Variants in CLVS1 observed in about 807,000 individuals in gnomAD.
CLVS1 encodes the protein clavesin-1.
CLVS1 carries 10 observed loss-of-function variants against 33.1 expected under a neutral mutation model. That is an observed-to-expected ratio of 0.30 (90% confidence interval 0.19 to 0.51). The LOEUF is 0.51. Among genes scored for constraint, CLVS1 ranks in the 20% least tolerant of loss-of-function variants. The pLI is 0.97. For missense variants in CLVS1, 343 were observed against 433.4 expected, an observed-to-expected ratio of 0.79 and a Z score of 1.85; for synonymous variants, 163 against 166.1, an observed-to-expected ratio of 0.98 and a Z score of 0.14.
At chr8:61,255,318 G>T (rs1463363307) in intron 2 of CLVS1, among the ~76,000 whole-genome samples, 1 of 152,116 alleles carries the variant, frequency 6.6e-6, no homozygotes, top group African/African-American at 2.4e-5. Context: ...TCTTTTGAGA[G>T]AATTCTGGTA....
chr8:61,366,991 C>G (rs536022603), intron 2 of CLVS1, among the ~76,000 whole-genome samples: 1 of 152,106 alleles, frequency 6.6e-6, no homozygotes, highest in African/African-American at 2.4e-5. Flanking sequence ...TCTGACTCAC[C>G]TCCTACCTGA....
At chr8:61,098,002 A>T (rs4738864) in intron 1 of CLVS1, among the ~76,000 whole-genome samples, 29,292 of 151,916 alleles carry the variant, frequency 0.19, 2,975 homozygotes, top group Admixed American at 0.31. Flanking sequence ...AAAAAAATTT[A>T]AAAAAAATTA....
chr8:61,170,174 G>A (rs1481774029), intron 2 of CLVS1, among the ~76,000 whole-genome samples: 2 of 151,918 alleles, frequency 1.3e-5, no homozygotes, highest in Admixed American at 6.6e-5. Flanking sequence ...CCATTTTACC[G>A]ATAAGATAGT....
chr8:61,061,003 C>T (rs1474857255), intron 1 of CLVS1, among the ~76,000 whole-genome samples: 1 of 152,152 alleles, frequency 6.6e-6, no homozygotes, highest in African/African-American at 2.4e-5. Context: ...TTTATAGCCT[C>T]CTCAGCTGCA....
chr8:61,032,992 GGAAAGAAA>G, the CLVS1 span, among the ~76,000 whole-genome samples: 3,524 of 44,016 alleles, frequency 0.08, 167 homozygotes, highest in Non-Finnish European at 0.094. Flanking sequence ...AAGGAAGGAA[GGAAAGAAA>G]GAAAGAAAGA....
the CLVS1 span, among the ~76,000 whole-genome samples, chr8:61,041,844 G>A: frequency 4.6e-5 from 7 of 152,028 alleles, 1 homozygote; most frequent in East Asian, 3.9e-4. Flanking sequence ...TTTCTATTTG[G>A]ATACCTTGTA....
chr8:61,068,034 A>G (rs980309108), intron 1 of CLVS1, among the ~76,000 whole-genome samples: 3 of 151,500 alleles, frequency 2.0e-5, no homozygotes, highest in Admixed American at 2.0e-4. Context: ...AAATTTTAAA[A>G]AAAATTAGCA....
chr8:61,033,134 A>G, the CLVS1 span, among the ~76,000 whole-genome samples: 11 of 96,976 alleles, frequency 1.1e-4, 1 homozygote, highest in East Asian at 3.7e-4. Context: ...AAGGAAAGAA[A>G]GAAAGAAAGA....
chr8:61,292,274 C>T (rs1810022429), intron 1 of CLVS1: 2 of 450,624 alleles, frequency 4.4e-6, no homozygotes, highest in South Asian at 1.6e-5. Flanking sequence ...CCTCTTTCCT[C>T]CCACCTCACC....
intron 3 of CLVS1, among the ~76,000 whole-genome samples, chr8:61,421,945 C>T (rs543632071): frequency 3.3e-5 from 5 of 152,158 alleles, no homozygotes; most frequent in South Asian, 2.1e-4. Flanking sequence ...GCTGTGAACA[C>T]GTGAATTGAA....
intron 2 of CLVS1, among the ~76,000 whole-genome samples, chr8:61,197,101 A>G (rs988681396): frequency 2.0e-5 from 3 of 152,216 alleles, no homozygotes; most frequent in African/African-American, 7.2e-5. Context: ...TGTATAATGC[A>G]TTGAGTTCTC....
At chr8:61,303,050 A>C (rs892430691) in intron 2 of CLVS1, among the ~76,000 whole-genome samples, 4 of 152,224 alleles carry the variant, frequency 2.6e-5, no homozygotes, top group Non-Finnish European at 5.9e-5. Context: ...TTGCAACTCA[A>C]CATGAGATTT....
chr8:61,349,899 T>C (rs534072837), intron 2 of CLVS1, among the ~76,000 whole-genome samples: 1 of 152,256 alleles, frequency 6.6e-6, no homozygotes, highest in East Asian at 1.9e-4. Flanking sequence ...TCTTTTAAGT[T>C]CCATGCAAAT....
chr8:61,089,689 C>A (rs1256761423), intron 1 of CLVS1, among the ~76,000 whole-genome samples: 1 of 152,100 alleles, frequency 6.6e-6, no homozygotes, highest in Non-Finnish European at 1.5e-5. Context: ...GAGGCTGAGG[C>A]AGGAGAAATG....
intron 2 of CLVS1, chr8:61,370,234 T>G (rs1423995382): frequency 6.6e-6 from 1 of 152,112 alleles, no homozygotes; most frequent in Non-Finnish European, 1.5e-5. Context: ...TTCAATAAAG[T>G]TTTGGGGGAA....
At chr8:61,348,658 T>C (rs930141067) in intron 2 of CLVS1, among the ~76,000 whole-genome samples, 9 of 152,136 alleles carry the variant, frequency 5.9e-5, no homozygotes, top group Non-Finnish European at 1.0e-4. Context: ...ATTTTGGCTA[T>C]TGCGAATATT....
chr8:61,323,309 A>C (rs551494084), intron 2 of CLVS1, among the ~76,000 whole-genome samples: 5 of 152,298 alleles, frequency 3.3e-5, no homozygotes, highest in African/African-American at 1.2e-4. Context: ...TTGAGGTCAC[A>C]GCTCCTGCAG....
intron 2 of CLVS1, among the ~76,000 whole-genome samples, chr8:61,318,893 G>T (rs2129596066): frequency 6.6e-6 from 1 of 152,178 alleles, no homozygotes; most frequent in African/African-American, 2.4e-5. Context: ...TTACAGGCAT[G>T]AGTACCTGTA....
chr8:61,108,664 G>T (rs1223463746), intron 1 of CLVS1, among the ~76,000 whole-genome samples: 1 of 152,178 alleles, frequency 6.6e-6, no homozygotes, highest in Non-Finnish European at 1.5e-5. Flanking sequence ...TAATCCAAGG[G>T]TTGGTATTTC....
Sources: gnomAD v4.1 joint callset for allele counts (sites outside exome capture counted in the v4.1 genomes callset) on GRCh38, gnomAD v4.1.1 for gene constraint, MANE v1.5 for transcripts, NCBI Gene and HGNC (gene_info 2026-07-23, HGNC 2026-07-21) for gene names.